Variants in KLHL7 observed in about 807,000 individuals in gnomAD.
KLHL7 encodes the protein kelch like family member 7.
KLHL7 carries 44 observed loss-of-function variants against 67.4 expected under a neutral mutation model. The ratio of observed to expected loss-of-function variants is 0.65; its 90% CI spans 0.51 to 0.84. The LOEUF is 0.84. KLHL7 is among the 40% of genes least tolerant of loss of function. KLHL7 has a pLI of 0.00. For synonymous variants in KLHL7, 252 were observed against 243.3 expected, an observed-to-expected ratio of 1.04 and a Z score of -0.33; for missense variants, 362 against 718.1, an observed-to-expected ratio of 0.50 and a Z score of 5.67.
chr7:23,119,718 A>T (rs1783250785), intron 1 of KLHL7, among the ~76,000 whole-genome samples: 1 of 152,000 alleles, frequency 6.6e-6, no homozygotes, highest in African/African-American at 2.4e-5. Flanking sequence ...CTTAATGAAG[A>T]TCCCTCACAT....
intron 1 of KLHL7, among the ~76,000 whole-genome samples, chr7:23,122,211 G>C (rs1022860970): frequency 1.3e-5 from 2 of 152,080 alleles, no homozygotes; most frequent in African/African-American, 4.8e-5. Flanking sequence ...TGTTGAGTAT[G>C]CCTTGGAGAT....
intron 4 of KLHL7, among the ~76,000 whole-genome samples, chr7:23,128,004 C>T (rs1000521602): frequency 1.3e-5 from 2 of 151,704 alleles, no homozygotes; most frequent in African/African-American, 4.8e-5. Flanking sequence ...GTTGTGCGCG[C>T]CTGCAGTCCA....
intron 7 of KLHL7, among the ~76,000 whole-genome samples, chr7:23,154,989 A>G (rs953519328): frequency 2.0e-5 from 3 of 151,008 alleles, no homozygotes; most frequent in African/African-American, 7.4e-5. Flanking sequence ...CCCATAGAGC[A>G]AATATGCCAC....
chr7:23,141,112 A>G (rs1784166972), intron 5 of KLHL7, among the ~76,000 whole-genome samples, 168 bp downstream of exon 5: 2 of 152,202 alleles, frequency 1.3e-5, no homozygotes, highest in African/African-American at 4.8e-5. Flanking sequence ...TGGCTCTTTG[A>G]GAAATAGGCC....
At chr7:23,167,694 A>G (rs1055058256) in intron 8 of KLHL7, 142 bp from the exon 9 acceptor site, 6 of 707,888 alleles carry the variant, frequency 8.5e-6, no homozygotes, top group African/African-American at 1.8e-5. Context: ...CTATTCCTAC[A>G]CTTTGTTGTT....
At chr7:23,167,759 A>G in intron 8 of KLHL7, 77 bp from the exon 9 acceptor site, 1 of 1,313,842 alleles carries the variant, frequency 7.6e-7, no homozygotes, top group East Asian at 2.3e-5. Flanking sequence ...TCCTTAACTA[A>G]TAAGATCTAC....
At chr7:23,172,012 C>T in intron 9 of KLHL7, 2 of 358,488 alleles carry the variant, frequency 5.6e-6, no homozygotes, top group Non-Finnish European at 1.1e-5. Flanking sequence ...CCCGGCCGGC[C>T]ATCAAATTAT....
intron 9 of KLHL7, chr7:23,171,113 G>A: frequency 3.5e-6 from 1 of 281,822 alleles, no homozygotes; most frequent in Non-Finnish European, 7.3e-6. Flanking sequence ...CACCATGTTG[G>A]CCAGGATGGC....
chr7:23,118,840 G>C (rs993076844), intron 1 of KLHL7, among the ~76,000 whole-genome samples: 1 of 152,026 alleles, frequency 6.6e-6, no homozygotes, highest in Non-Finnish European at 1.5e-5. Flanking sequence ...GAGAGGCCAA[G>C]GTAGTAAGAT....
At position 23,105,793 on chromosome 7, in the gene KLHL7, C is replaced by G. The variant is rs1289790705; in HGVS notation, c.-234C>G. On this transcript the variant is annotated 5_prime_UTR_variant, in exon 1 of 11. Coordinates refer to ENST00000339077, the MANE Select transcript of KLHL7 (RefSeq NM_001031710.3). Reference sequence around the variant, plus strand: ...GCTCCTGGGCAGGGCTCGGGTTCTGCCCGGGGACGCAGCCCAGTTGGTAGC... The same window carrying G: ...GCTCCTGGGCAGGGCTCGGGTTCTGGCCGGGGACGCAGCCCAGTTGGTAGC... 10 of 570,182 alleles carry G rather than the reference C, an allele frequency of 1.8e-5. No individual in the cohort carries two copies. In the Admixed American group the frequency reaches 3.0e-4, roughly 17 times the overall value. The allele number at this position is 570,182 out of a possible 1,614,324, so 35.3% of individuals were successfully genotyped here.
At chr7:23,146,589 G>T (rs1784361640) in intron 6 of KLHL7, among the ~76,000 whole-genome samples, 1 of 151,876 alleles carries the variant, frequency 6.6e-6, no homozygotes, top group Non-Finnish European at 1.5e-5. Context: ...CTGTTCCAAG[G>T]AGATTTTTAA....
At chr7:23,146,566 G>A (rs1469514324) in intron 6 of KLHL7, among the ~76,000 whole-genome samples, 1 of 151,936 alleles carries the variant, frequency 6.6e-6, no homozygotes, top group African/African-American at 2.4e-5. Context: ...TGATGTGGTT[G>A]GAAAGGTCTT....
In KLHL7 at chr7:23,174,123, T is replaced by C. The variant is rs143308284; in HGVS notation, c.1586T>C (p.Ile529Thr). 6 of 1,614,082 alleles carry C rather than the reference T, an allele frequency of 3.7e-6. No homozygotes were observed. Among genetic ancestry groups the C allele is most frequent in the South Asian group, 3.3e-5 (3 of 91,088 alleles). ...GTGAAATGTGCAGCAGTTGGCTCTA[T>C]AGTTTATGTCTTGGCTGGTTTTCAG... The part of the protein sequence containing the change: ...VTVKCAAVGS[I>T]VYVLAGFQGV... Residue 529 changes from isoleucine to threonine, a missense_variant, in exon 11 of 11, where the codon ATA becomes ACA. Ile to Thr is a moderately conservative substitution (Grantham distance 89). This residue lies in a region of KLHL7 where 136 missense variants were observed against 252.7 expected (regional missense o/e 0.54). Coordinates refer to ENST00000339077, the MANE Select transcript of KLHL7 (RefSeq NM_001031710.3).
intron 4 of KLHL7, chr7:23,126,161 T>C: frequency 2.5e-6 from 1 of 396,706 alleles, no homozygotes; most frequent in Non-Finnish European, 4.7e-6. Context: ...GGATGGTTTC[T>C]TAAGTGACAG....
chr7:23,110,227 A>T (rs113410314), intron 1 of KLHL7, among the ~76,000 whole-genome samples: 17 of 152,324 alleles, frequency 1.1e-4, no homozygotes, highest in African/African-American at 4.1e-4. Flanking sequence ...AGAAGTCATT[A>T]GTCTAGAACT....
At chr7:23,143,072 C>G (rs1459227907) in intron 5 of KLHL7, among the ~76,000 whole-genome samples, 2 of 152,022 alleles carry the variant, frequency 1.3e-5, no homozygotes, top group African/African-American at 2.4e-5. Flanking sequence ...TAAAAAAAGA[C>G]CAATTCCCAT....
chr7:23,117,119 G>A (rs1273537510), intron 1 of KLHL7, among the ~76,000 whole-genome samples: 4 of 94,804 alleles, frequency 4.2e-5, no homozygotes, highest in Non-Finnish European at 8.1e-5. Flanking sequence ...ATCAAGTCTC[G>A]CTCTGTCACC....
chr7:23,148,479 G>C (rs1316377930), intron 6 of KLHL7, among the ~76,000 whole-genome samples: 2 of 151,376 alleles, frequency 1.3e-5, no homozygotes, highest in Non-Finnish European at 2.9e-5. Flanking sequence ...AGAGTGTTTA[G>C]AAGATAGAAC....
intron 5 of KLHL7, 134 bp downstream of exon 5, chr7:23,141,078 T>C: frequency 1.2e-6 from 1 of 839,080 alleles, no homozygotes; most frequent in South Asian, 1.5e-5. Flanking sequence ...AACAGAGTAT[T>C]GTAATCTTAG....
Sources: allele counts gnomAD v4.1 joint callset (sites outside exome capture counted in the v4.1 genomes callset), GRCh38; gene constraint gnomAD v4.1.1; regional missense constraint gnomAD v4.1.1; transcripts MANE v1.5; gene names NCBI Gene and HGNC (gene_info 2026-07-23, HGNC 2026-07-21).